WSB2: variants seen among roughly 807,000 people sequenced by gnomAD.
WSB2 encodes WD repeat and SOCS box-containing protein 2.
WSB2 carries 12 observed loss-of-function variants against 48.8 expected under a neutral mutation model. The observed-to-expected ratio is 0.25, with a 90% CI of 0.16 to 0.40. WSB2 has a LOEUF of 0.40. Ranked by LOEUF, WSB2 falls within the 10% of genes least tolerant of loss-of-function variation. The pLI, the probability that WSB2 is intolerant of heterozygous loss-of-function variation, is 1.00. For missense variants in WSB2, 317 were observed against 506.2 expected, an observed-to-expected ratio of 0.63 and a Z score of 3.59; for synonymous variants, 191 against 203.1, an observed-to-expected ratio of 0.94 and a Z score of 0.51.
Position 118,035,066 on chromosome 12 carries a change from C to G in WSB2, c.972G>C (p.Leu324=). 1 of 1,614,186 alleles carries G rather than the reference C, an allele frequency of 6.2e-7. No homozygotes were observed. Among genetic ancestry groups the G allele is most frequent in the South Asian group, 1.1e-5 (1 of 91,080 alleles). Reference sequence around the variant, plus strand: ...TAGGAGCAAATGCAATGGGAGTTTTCAGTTCCAGGGCCCAGATCCTGAGGA... The same window carrying G: ...TAGGAGCAAATGCAATGGGAGTTTTGAGTTCCAGGGCCCAGATCCTGAGGA... The part of the protein sequence containing the change: ...DRLLRIWALE[L]KTPIAFAPMT... The change falls in exon 8 of 9, where the codon CTG becomes CTC. Residue 324 remains leucine, a synonymous_variant. Coordinates refer to ENST00000315436, the MANE Select transcript of WSB2 (RefSeq NM_018639.5).
intron 8 of WSB2, chr12:118,034,657 T>C (rs1304705759): frequency 4.1e-6 from 2 of 491,590 alleles, no homozygotes; most frequent in Admixed American, 3.7e-5. Flanking sequence ...GAGTGCCACC[T>C]ACTGAATTAT....
intron 1 of WSB2, chr12:118,052,720 C>G (rs2031878261): frequency 5.3e-6 from 3 of 568,426 alleles, no homozygotes; most frequent in African/African-American, 3.7e-5. Flanking sequence ...GCCCATGAAC[C>G]CAGTGAATGG....
intron 1 of WSB2, among the ~76,000 whole-genome samples, chr12:118,055,607 CTTTTTTTTTTTT>C (rs748354611): frequency 8.6e-5 from 7 of 81,678 alleles, no homozygotes; most frequent in African/African-American, 2.7e-4. Flanking sequence ...CTACATTATC[CTTTTTTTTTTTT>C]TTTTTTTTTT....
At chr12:118,053,618 T>C (rs1046415834) in intron 1 of WSB2, among the ~76,000 whole-genome samples, 4 of 152,214 alleles carry the variant, frequency 2.6e-5, no homozygotes, top group Admixed American at 2.6e-4. Context: ...AGGCACCAGA[T>C]TGGAGCTTCT....
At position 118,035,061 on chromosome 12, in the gene WSB2, G is replaced by A. The variant is rs754049741; in HGVS notation, c.977C>T (p.Thr326Ile). The change falls in exon 8 of 9, where the codon ACT (threonine) becomes ATT (isoleucine). Residue 326 changes from threonine (T) to isoleucine (I), a missense_variant. Thr to Ile is a moderately conservative substitution (Grantham distance 89). This residue lies in a region of WSB2 where 189 missense variants were observed against 349.6 expected (regional missense o/e 0.54). Transcript: ENST00000315436. The stretch of plus-strand genomic sequence containing the variant: ...GGTCATAGGAGCAAATGCAATGGGA[G>A]TTTTCAGTTCCAGGGCCCAGATCCT... ...LLRIWALELK[T>I]PIAFAPMTNG... 4.3e-6 allele frequency: 7 copies of A among 1,614,118 alleles called. No individual in the cohort carries two copies. In the African/African-American group the frequency reaches 9.3e-5, roughly 22 times the overall value.
Position 118,061,119 on chromosome 12 carries a change from C to T in WSB2, c.-71G>A. 1.0e-6 allele frequency: 1 copy of T among 980,008 alleles called. No homozygotes were observed. Among genetic ancestry groups the T allele is most frequent in the Non-Finnish European group, 1.2e-6 (1 of 827,740 alleles). 60.7% of individuals were successfully genotyped at this position (980,008 alleles called of 1,614,324 possible). ...CCCCGGGCCGCGGGCCCTCATGCCGCCCCCGCGCCGCCCGCCCCGGCCAGG... is the reference window on the plus strand; with the variant it reads ...CCCCGGGCCGCGGGCCCTCATGCCGTCCCCGCGCCGCCCGCCCCGGCCAGG... On this transcript the variant is annotated 5_prime_UTR_variant, in exon 1 of 9. Coordinates refer to ENST00000315436, the MANE Select transcript of WSB2 (RefSeq NM_018639.5).
chr12:118,059,333 C>T (rs917548672), intron 1 of WSB2, among the ~76,000 whole-genome samples: 2 of 152,022 alleles, frequency 1.3e-5, no homozygotes, highest in African/African-American at 2.4e-5. Context: ...AATGTGGCTA[C>T]TTGAACATTT....
Position 118,034,199 on chromosome 12 carries a change from A to T in WSB2, c.1212T>A (p.Phe404Leu), listed in dbSNP as rs748421849. 6.8e-6 allele frequency: 11 copies of T among 1,614,062 alleles called. No homozygotes were observed. In the South Asian group the frequency reaches 1.1e-4, roughly 16 times the overall value. The change falls in exon 9 of 9, where the codon TTT (phenylalanine) becomes TTA (leucine). Residue 404 changes from phenylalanine (F) to leucine (L), a missense_variant. Phe to Leu is a conservative substitution (Grantham distance 22). This residue lies in a region of WSB2 where 189 missense variants were observed against 349.6 expected (regional missense o/e 0.54). Transcript: ENST00000315436. ...GAAGCACAAGATGTGGTGTTGCTTA[A>T]AAAGTCCTGTATGTGAGGAACTCTT... ...KMKEFLTYRT[F>L] is the part of the protein sequence containing the mutation.
chr12:118,035,658 T>G (rs2031494644), intron 6 of WSB2: 2 of 211,124 alleles, frequency 9.5e-6, no homozygotes, highest in South Asian at 2.1e-4. Context: ...TATTATTTGC[T>G]TCATAAAACA....
chr12:118,051,334 A>G (rs2031848832), intron 2 of WSB2, among the ~76,000 whole-genome samples: 1 of 152,228 alleles, frequency 6.6e-6, no homozygotes, highest in Non-Finnish European at 1.5e-5. Context: ...ATAAATGTTC[A>G]TAGCAGCACT....
rs1367143868 is a variant in WSB2 at position 118,033,586 on chromosome 12, G to A, written c.*610C>T. 1.3e-5 allele frequency: 2 copies of A among 150,236 alleles called. No individual in the cohort carries two copies. The highest frequency in any genetic ancestry group is 2.9e-5 in the Non-Finnish European group (2 of 67,888). The allele number at this position is 150,236 out of a possible 1,614,324, so 9.3% of individuals were successfully genotyped here. ...AAAAGCCAGTAATAGTGTCTGGATC[G>A]GTCAGGAGCACGGCCTCTGAGTCCC... On this transcript the variant is annotated 3_prime_UTR_variant, in exon 9 of 9. Transcript: ENST00000315436.
intron 2 of WSB2, among the ~76,000 whole-genome samples, chr12:118,046,802 C>T (rs1033861188): frequency 1.3e-5 from 2 of 152,182 alleles, no homozygotes; most frequent in East Asian, 3.8e-4. Flanking sequence ...GACAGGGTCT[C>T]TCTCTGGCAC....
intron 2 of WSB2, among the ~76,000 whole-genome samples, chr12:118,051,660 T>C (rs1490095606): frequency 6.6e-6 from 1 of 152,078 alleles, no homozygotes; most frequent in Non-Finnish European, 1.5e-5. Flanking sequence ...TCTGAGGAAA[T>C]AAAGATATTC....
rs200311345 is a variant in WSB2, at chr12:118,036,335, T to C, written c.833+3A>G. The C allele has an allele frequency of 3.7e-6, 6 of 1,613,668 alleles. No individual in the cohort carries two copies. In the Admixed American group the frequency reaches 6.7e-5, roughly 18 times the overall value. On this transcript the variant is annotated splice_donor_region_variant and intron_variant, in intron 6 of 8. Coordinates refer to ENST00000315436, the MANE Select transcript of WSB2 (RefSeq NM_018639.5). ...AAAGTCATAGCAGGGATTCAGTCCT[T>C]ACTGGAGTGACCTCAGCCTTTCGCC...
chr12:118,061,791 T>C (rs1173039194), upstream of WSB2, among the ~76,000 whole-genome samples: 4 of 120,378 alleles, frequency 3.3e-5, no homozygotes, highest in East Asian at 2.5e-4. Flanking sequence ...GCGGGAGAAA[T>C]AGGTTGGAGG....
At position 118,042,796 on chromosome 12, in the gene WSB2, T is replaced by C. The variant is rs966456783; in HGVS notation, c.559+45A>G. The stretch of plus-strand genomic sequence containing the variant: ...ACACTGGTAAAGTGGAGAAAGCAAA[T>C]ACAGTATTTTTGGAGTTGCCGAGTA... On this transcript the variant is annotated intron_variant, in intron 4 of 8. Transcript: ENST00000315436. 8 of 1,595,810 alleles carry C rather than the reference T, an allele frequency of 5.0e-6. No homozygotes were observed. In the African/African-American group the frequency reaches 8.1e-5, roughly 16 times the overall value.
At chr12:118,043,038 C>T in intron 3 of WSB2, 66 bp from the exon 4 acceptor site, 1 of 1,613,454 alleles carries the variant, frequency 6.2e-7, no homozygotes, top group Non-Finnish European at 8.5e-7. Flanking sequence ...GCCACGGCCA[C>T]ACCCCTTGGC....
At chr12:118,046,971 A>G (rs952614127) in intron 2 of WSB2, among the ~76,000 whole-genome samples, 3 of 152,012 alleles carry the variant, frequency 2.0e-5, no homozygotes, top group African/African-American at 7.2e-5. Flanking sequence ...GGGTCTCACT[A>G]TGCTGCCCAG....
At chr12:118,034,547 A>AACTC (rs1191165609) in intron 8 of WSB2, 189 bp from the exon 9 acceptor site, 3 of 630,102 alleles carry the variant, frequency 4.8e-6, no homozygotes, top group African/African-American at 3.7e-5. Context: ...GGATTAGAAA[A>AACTC]ACTCAAGACA....
Sources: gnomAD v4.1 joint callset for allele counts (sites outside exome capture counted in the v4.1 genomes callset) on GRCh38, gnomAD v4.1.1 for gene constraint, gnomAD v4.1.1 regional missense constraint, MANE v1.5 for transcripts, NCBI Gene and HGNC (gene_info 2026-07-23, HGNC 2026-07-21) for gene names.